Variants in UBE2R2 observed in about 807,000 individuals in gnomAD.
UBE2R2 encodes ubiquitin-conjugating enzyme E2 R2.
UBE2R2 carries 1 observed loss-of-function variant against 27.8 expected under a neutral mutation model. The ratio of observed to expected loss-of-function variants is 0.04; its 90% confidence interval spans 0.01 to 0.17. The LOEUF (loss-of-function observed/expected upper bound fraction) is 0.17, where lower values mean the gene tolerates loss of function less well. UBE2R2 is among the 10% of genes least tolerant of loss of function. UBE2R2 has a pLI of 1.00. For missense variants in UBE2R2, 100 were observed against 291.0 expected, an observed-to-expected ratio of 0.34 and a Z score of 4.78; for synonymous variants, 106 against 113.3, an observed-to-expected ratio of 0.94 and a Z score of 0.41.
intron 1 of UBE2R2, among the ~76,000 whole-genome samples, chr9:33,843,884 T>G (rs1029964437): frequency 2.6e-5 from 4 of 152,264 alleles, no homozygotes; most frequent in Non-Finnish European, 5.9e-5. Flanking sequence ...GTTTTACCAC[T>G]GCATAAGTTT....
intron 3 of UBE2R2, among the ~76,000 whole-genome samples, chr9:33,909,609 C>T (rs576009697): frequency 5.9e-5 from 9 of 152,142 alleles, no homozygotes; most frequent in East Asian, 1.9e-4. Flanking sequence ...GGAGTAGAGA[C>T]GGGGTTTCAC....
intron 2 of UBE2R2, among the ~76,000 whole-genome samples, chr9:33,890,675 T>C (rs1821959573): frequency 6.6e-6 from 1 of 151,976 alleles, no homozygotes; most frequent in South Asian, 2.1e-4. Context: ...CCAGGCGCAG[T>C]GGCAGGTGCC....
At chr9:33,865,214 T>G (rs1427746134) in intron 1 of UBE2R2, among the ~76,000 whole-genome samples, 1 of 148,204 alleles carries the variant, frequency 6.7e-6, no homozygotes, top group Non-Finnish European at 1.5e-5. Context: ...ATCTATCTAT[T>G]TTTTTAAGAC....
At chr9:33,861,399 A>G (rs1821233522) in intron 1 of UBE2R2, among the ~76,000 whole-genome samples, 1 of 152,074 alleles carries the variant, frequency 6.6e-6, no homozygotes, top group South Asian at 2.1e-4. Context: ...TACAAACCCC[A>G]TCTCTACAAA....
intron 3 of UBE2R2, among the ~76,000 whole-genome samples, chr9:33,901,761 T>A (rs1301983474): frequency 6.6e-6 from 1 of 152,180 alleles, no homozygotes; most frequent in African/African-American, 2.4e-5. Context: ...TAGAAAGAGT[T>A]GAGAAAATAG....
At chr9:33,863,435 C>T (rs970712576) in intron 1 of UBE2R2, among the ~76,000 whole-genome samples, 2 of 151,566 alleles carry the variant, frequency 1.3e-5, no homozygotes, top group Non-Finnish European at 2.9e-5. Context: ...TCGCCTGAAC[C>T]CGGGAGGCAG....
In UBE2R2 at chr9:33,826,302, C is replaced by T. The variant is rs569498008; in HGVS notation, c.177+8368C>T. 3.3e-5 allele frequency among the ~76,000 whole-genome samples: 5 copies of T among 152,260 alleles called. No individual in the cohort carries two copies. In the East Asian group the frequency reaches 9.6e-4, roughly 29 times the overall value. On this transcript the variant is annotated intron_variant, in intron 1 of 4. Coordinates refer to ENST00000263228, the MANE Select transcript of UBE2R2 (RefSeq NM_017811.4). Reference sequence around the variant, plus strand: ...TCTGAAGTGAATGGAATGATAGATACTAAGTTGAAGAGGTAAATTTAGTTC... The same window carrying T: ...TCTGAAGTGAATGGAATGATAGATATTAAGTTGAAGAGGTAAATTTAGTTC...
chr9:33,864,604 T>C (rs1821318527), intron 1 of UBE2R2, among the ~76,000 whole-genome samples: 1 of 152,020 alleles, frequency 6.6e-6, no homozygotes, highest in African/African-American at 2.4e-5. Flanking sequence ...GGGTGGAGTG[T>C]GGTGTTGCAG....
At chr9:33,833,266 C>A (rs1222237358) in intron 1 of UBE2R2, among the ~76,000 whole-genome samples, 4 of 152,096 alleles carry the variant, frequency 2.6e-5, no homozygotes, top group Non-Finnish European at 4.4e-5. Context: ...GGGGTTTCAC[C>A]GTGTTAGCCA....
chr9:33,888,049 C>T (rs1294028311), intron 2 of UBE2R2, among the ~76,000 whole-genome samples: 2 of 152,142 alleles, frequency 1.3e-5, no homozygotes, highest in African/African-American at 2.4e-5. Context: ...TTAGGAACTT[C>T]CAGTTAAATT....
chr9:33,869,898 G>A lies in UBE2R2; in HGVS notation c.178-16983G>A, dbSNP rs1340309464. On this transcript the variant is annotated intron_variant, in intron 1 of 4. Coordinates refer to ENST00000263228, the MANE Select transcript of UBE2R2 (RefSeq NM_017811.4). ...TTTCGCTCTTGTTGCCCAGGCTGGA[G>A]TGCAATGGCGCGATCTCGGCTCACC... Among the ~76,000 whole-genome samples, 4 of 152,180 alleles carry A rather than the reference G, an allele frequency of 2.6e-5. No homozygotes were observed. The East Asian group carries it at 7.7e-4, about 29-fold the overall frequency.
intron 1 of UBE2R2, among the ~76,000 whole-genome samples, chr9:33,847,720 T>C (rs1364864792): frequency 6.6e-6 from 1 of 151,846 alleles, no homozygotes; most frequent in African/African-American, 2.4e-5. Flanking sequence ...CCTTGTTTTC[T>C]GTGCTTCAGT....
chr9:33,863,808 C>T (rs1301675539), intron 1 of UBE2R2, among the ~76,000 whole-genome samples: 1 of 152,008 alleles, frequency 6.6e-6, no homozygotes, highest in Non-Finnish European at 1.5e-5. Flanking sequence ...CTGCCTCAGC[C>T]TCCTGAGTAG....
At chr9:33,880,373 C>G (rs146677742) in intron 1 of UBE2R2, among the ~76,000 whole-genome samples, 131 of 151,958 alleles carry the variant, frequency 8.6e-4, no homozygotes, top group African/African-American at 2.9e-3. Context: ...GTGGCTTCCT[C>G]TTTATACTGT....
At chr9:33,914,561 G>A (rs181100517) in intron 4 of UBE2R2, among the ~76,000 whole-genome samples, 1 of 152,196 alleles carries the variant, frequency 6.6e-6, no homozygotes, top group Non-Finnish European at 1.5e-5. Context: ...GCTGCCTGGT[G>A]TGGTAGCTCA....
chr9:33,884,885 C>G (rs753161787), intron 1 of UBE2R2, among the ~76,000 whole-genome samples: 1 of 152,088 alleles, frequency 6.6e-6, no homozygotes, highest in Non-Finnish European at 1.5e-5. Context: ...TTCTCCTCTT[C>G]CCCAGGGTTT....
At chr9:33,815,555 G>A (rs769147538), upstream of UBE2R2, among the ~76,000 whole-genome samples, 1 of 152,128 alleles carries the variant, frequency 6.6e-6, no homozygotes, top group Non-Finnish European at 1.5e-5. Flanking sequence ...GACCAGCCTC[G>A]CCAACATGGT....
chr9:33,832,593 G>A (rs1450779634), intron 1 of UBE2R2, among the ~76,000 whole-genome samples: 1 of 150,366 alleles, frequency 6.7e-6, no homozygotes, highest in Admixed American at 6.6e-5. Context: ...GGAGGCGGAG[G>A]TTGCGGTGAG....
intron 1 of UBE2R2, among the ~76,000 whole-genome samples, chr9:33,822,761 T>A (rs1257676432): frequency 1.3e-5 from 2 of 151,898 alleles, no homozygotes; most frequent in African/African-American, 4.8e-5. Flanking sequence ...TATGCATTAT[T>A]TCCTATGCTT....
Sources: gnomAD v4.1 joint callset for allele counts (sites outside exome capture counted in the v4.1 genomes callset) on GRCh38, gnomAD v4.1.1 for gene constraint, MANE v1.5 for transcripts, NCBI Gene and HGNC (gene_info 2026-07-23, HGNC 2026-07-21) for gene names.